Variants in KCNIP4 observed in about 807,000 individuals in gnomAD.
KCNIP4 encodes the protein Kv channel-interacting protein 4.
In KCNIP4, 12 loss-of-function variants were observed where a neutral mutation model predicts 34.0. The observed-to-expected ratio is 0.35, with a 90% CI of 0.23 to 0.57. KCNIP4 has a LOEUF of 0.57. KCNIP4 is among the 20% of genes least tolerant of loss of function. The probability of loss-of-function intolerance (pLI) is 0.83; values close to 1 mark genes in which losing one functional copy is unlikely to be tolerated. For missense variants in KCNIP4, 238 were observed against 311.7 expected (o/e 0.76, Z 1.78); for synonymous variants, 124 against 102.2 (o/e 1.21, Z -1.29).
rs540225956 is a variant in KCNIP4, at chr4:21,941,219, G to A, written c.61+7352C>T. Among the ~76,000 whole-genome samples the A allele has an allele frequency of 1.3e-4, 20 of 152,094 alleles. No homozygotes were observed. The East Asian group carries it at 3.9e-3, about 29-fold the overall frequency. ...ACATTTAGAAGTCATGTCTTTTCTT[G>A]TAAAAAACAAAATAATAAGATTTTC... On this transcript the variant is annotated intron_variant, in intron 1 of 8. Coordinates refer to ENST00000382152, the MANE Select transcript of KCNIP4 (RefSeq NM_025221.6).
chr4:20,894,395 C>T (rs907262244), intron 1 of KCNIP4, among the ~76,000 whole-genome samples: 3 of 152,114 alleles, frequency 2.0e-5, no homozygotes, highest in Admixed American at 6.5e-5. Context: ...CCAATGTCAC[C>T]CACAGTAACT....
At chr4:20,838,061 C>T (rs747455619) in intron 3 of KCNIP4, among the ~76,000 whole-genome samples, 8 of 152,044 alleles carry the variant, frequency 5.3e-5, no homozygotes, top group Non-Finnish European at 8.8e-5. Flanking sequence ...TAAAGTTGAT[C>T]CACATAGCAG....
intron 1 of KCNIP4, among the ~76,000 whole-genome samples, chr4:21,575,581 T>C (rs1740690560): frequency 6.6e-6 from 1 of 152,138 alleles, no homozygotes; most frequent in African/African-American, 2.4e-5. Flanking sequence ...TTAGTAGTTA[T>C]TTAGATACAC....
chr4:21,390,502 G>T (rs1001519172), intron 1 of KCNIP4, among the ~76,000 whole-genome samples: 22 of 152,126 alleles, frequency 1.4e-4, no homozygotes, highest in African/African-American at 4.6e-4. Context: ...AAGGGATCCA[G>T]TTTCAGCTTT....
chr4:20,805,829 C>T (rs1715006444), intron 3 of KCNIP4, among the ~76,000 whole-genome samples: 1 of 152,056 alleles, frequency 6.6e-6, no homozygotes, highest in Admixed American at 6.6e-5. Context: ...ATTTCATCTC[C>T]TTACCTGGTT....
intron 1 of KCNIP4, among the ~76,000 whole-genome samples, chr4:21,506,848 G>A (rs358554): frequency 0.028 from 4,272 of 152,046 alleles, 161 homozygotes; most frequent in East Asian, 0.12. Context: ...CTGGAGTGCA[G>A]TGGCATGATC....
chr4:21,672,349 A>T (rs1345418518), intron 1 of KCNIP4, among the ~76,000 whole-genome samples: 2 of 143,564 alleles, frequency 1.4e-5, no homozygotes, highest in Admixed American at 6.7e-5. Flanking sequence ...CCATGGGAAA[A>T]TTTCCTGACT....
chr4:20,879,325 C>T (rs1724422030), intron 2 of KCNIP4, among the ~76,000 whole-genome samples: 1 of 152,170 alleles, frequency 6.6e-6, no homozygotes, highest in South Asian at 2.1e-4. Context: ...AACTACCAAT[C>T]AGGTAGCTCG....
At chr4:21,846,739 A>G (rs1245160645) in intron 1 of KCNIP4, 1 of 152,190 alleles carries the variant, frequency 6.6e-6, no homozygotes, top group Non-Finnish European at 1.5e-5. Flanking sequence ...AGGCTCAATC[A>G]GTGGGGCCAA....
intron 1 of KCNIP4, among the ~76,000 whole-genome samples, chr4:21,301,991 T>A (rs1711772033): frequency 6.6e-6 from 1 of 152,208 alleles, no homozygotes; most frequent in Non-Finnish European, 1.5e-5. Context: ...CTATTTATAA[T>A]TACTTCCTAA....
chr4:20,731,321 G>A (rs551090806), intron 8 of KCNIP4: 66 of 873,124 alleles, frequency 7.6e-5, no homozygotes, highest in Non-Finnish European at 8.7e-5. Context: ...TTATCTTCCC[G>A]CCTCAGCCTC....
At chr4:20,991,403 GA>G (rs974404536) in intron 1 of KCNIP4, among the ~76,000 whole-genome samples, 26 of 152,132 alleles carry the variant, frequency 1.7e-4, no homozygotes, top group African/African-American at 6.0e-4. Flanking sequence ...AGAGGAAGGA[GA>G]AAAGATGAAG....
At chr4:20,776,321 C>T (rs1756364230) in intron 3 of KCNIP4, among the ~76,000 whole-genome samples, 2 of 152,052 alleles carry the variant, frequency 1.3e-5, no homozygotes, top group Admixed American at 6.6e-5. Flanking sequence ...TTTTCATTTC[C>T]TGGTTTACCA....
At chr4:21,037,328 T>C (rs79039082) in intron 1 of KCNIP4, among the ~76,000 whole-genome samples, 3,690 of 152,258 alleles carry the variant, frequency 0.024, 137 homozygotes, top group African/African-American at 0.081. Flanking sequence ...CAAAACAACT[T>C]CCAGTCCTGC....
intron 1 of KCNIP4, among the ~76,000 whole-genome samples, chr4:21,226,232 G>GGGGAGGGAGGGGGGGA (rs1437351339): frequency 8.9e-6 from 1 of 112,806 alleles, no homozygotes; most frequent in East Asian, 2.7e-4. Context: ...GGCAGCATAG[G>GGGGAGGGAGGGGGGGA]GGGAGGGAGG....
chr4:20,758,145 A>G (rs1754639298), intron 4 of KCNIP4, among the ~76,000 whole-genome samples: 1 of 152,182 alleles, frequency 6.6e-6, no homozygotes, highest in South Asian at 2.1e-4. Flanking sequence ...TCTGTTAGGT[A>G]ATTGAAAGAA....
At chr4:20,820,110 T>G (rs1307878285) in intron 3 of KCNIP4, among the ~76,000 whole-genome samples, 2 of 152,172 alleles carry the variant, frequency 1.3e-5, no homozygotes, top group African/African-American at 4.8e-5. Context: ...AATAAAGCAT[T>G]AAGGCAGTTC....
At chr4:21,448,940 G>A (rs1728274597) in intron 1 of KCNIP4, among the ~76,000 whole-genome samples, 1 of 152,156 alleles carries the variant, frequency 6.6e-6, no homozygotes, top group Admixed American at 6.5e-5. Context: ...GAGAGACAAG[G>A]CAAAAATAAA....
At chr4:20,920,235 C>T (rs191587308) in intron 1 of KCNIP4, among the ~76,000 whole-genome samples, 35 of 152,210 alleles carry the variant, frequency 2.3e-4, no homozygotes, top group African/African-American at 7.7e-4. Flanking sequence ...ATTCATTTCA[C>T]GTGATTCTTT....
Sources: gnomAD v4.1 joint callset for allele counts (sites outside exome capture counted in the v4.1 genomes callset) on GRCh38, gnomAD v4.1.1 for gene constraint, MANE v1.5 for transcripts, NCBI Gene and HGNC (gene_info 2026-07-23, HGNC 2026-07-21) for gene names.